MYBPC1: variants seen among roughly 807,000 people sequenced by gnomAD.
The protein encoded by MYBPC1 is myosin-binding protein C, slow-type.
A neutral mutation model predicts 147.1 loss-of-function variants in MYBPC1; 52 were observed. The ratio of observed to expected loss-of-function variants is 0.35; its 90% CI spans 0.28 to 0.45. The LOEUF is 0.45. MYBPC1 is among the 20% of genes least tolerant of loss of function. The pLI is 1.00. For synonymous variants in MYBPC1, 477 were observed against 475.9 expected (o/e 1.00, Z -0.03); for missense variants, 1,228 against 1,440.3 (o/e 0.85, Z 2.39).
At chr12:101,629,595 G>A (rs759168601) in intron 6 of MYBPC1, 51 bp downstream of exon 6, 22 of 1,325,926 alleles carry the variant, frequency 1.7e-5, no homozygotes, top group African/African-American at 7.3e-5. Context: ...AAGGTGAGCC[G>A]AGCACGGTGC....
intron 23 of MYBPC1, among the ~76,000 whole-genome samples, chr12:101,669,083 T>A (rs1434873823): frequency 6.6e-6 from 1 of 152,096 alleles, no homozygotes; most frequent in African/African-American, 2.4e-5. Context: ...CAAGACCTTG[T>A]CTCAAATAAA....
chr12:101,661,075 C>G (rs1896464158), intron 19 of MYBPC1, 83 bp from the exon 20 acceptor site: 9 of 830,492 alleles, frequency 1.1e-5, no homozygotes, highest in Non-Finnish European at 1.8e-5. Context: ...ATGATTATCA[C>G]CAAGAAACAT....
chr12:101,675,214 T>C (rs1899672808), intron 25 of MYBPC1, 78 bp from the exon 26 acceptor site: 1 of 1,577,742 alleles, frequency 6.3e-7, no homozygotes, highest in South Asian at 1.1e-5. Flanking sequence ...AAAGGGTCTT[T>C]TAAAATATCC....
chr12:101,689,621 G>C (rs1951389914), downstream of MYBPC1, among the ~76,000 whole-genome samples: 1 of 152,108 alleles, frequency 6.6e-6, no homozygotes, highest in Non-Finnish European at 1.5e-5. Flanking sequence ...AAAGGGAAAA[G>C]AGGAAAGAAA....
At chr12:101,647,939 T>C (rs1893569904) in intron 13 of MYBPC1, 106 bp from the exon 14 acceptor site, 8 of 863,008 alleles carry the variant, frequency 9.3e-6, no homozygotes, top group African/African-American at 5.1e-5. Context: ...ATGTCAACCA[T>C]AGATGTTGCT....
At chr12:101,651,126 A>C in intron 15 of MYBPC1, 105 bp from the exon 16 acceptor site, 2 of 1,266,212 alleles carry the variant, frequency 1.6e-6, no homozygotes, top group Non-Finnish European at 2.3e-6. Flanking sequence ...TCTCACTTTC[A>C]AAACAAACAT....
At chr12:101,602,138 G>A (rs147663008) in intron 1 of MYBPC1, among the ~76,000 whole-genome samples, 38 of 152,290 alleles carry the variant, frequency 2.5e-4, no homozygotes, top group African/African-American at 8.9e-4. Context: ...TCATCTGTAT[G>A]TGAATAAAAC....
chr12:101,604,773 A>C (rs1172406180), intron 1 of MYBPC1, among the ~76,000 whole-genome samples: 1 of 152,132 alleles, frequency 6.6e-6, no homozygotes, highest in Non-Finnish European at 1.5e-5. Flanking sequence ...CCCTCCTAGA[A>C]GTGTGCTGTC....
At chr12:101,662,166 A>G (rs1269738398) in intron 20 of MYBPC1, among the ~76,000 whole-genome samples, 192 bp from the exon 21 acceptor site, 3 of 151,956 alleles carry the variant, frequency 2.0e-5, no homozygotes, top group Non-Finnish European at 1.5e-5. Context: ...TAGTCCCATT[A>G]TTTTCATCTA....
intron 6 of MYBPC1, among the ~76,000 whole-genome samples, chr12:101,630,963 C>A (rs1215069776): frequency 2.0e-5 from 3 of 152,118 alleles, no homozygotes; most frequent in Non-Finnish European, 4.4e-5. Context: ...TGCATGTGAA[C>A]AGAAATGTTG....
At chr12:101,660,137 T>C (rs1896271244) in intron 19 of MYBPC1, 2 of 409,916 alleles carry the variant, frequency 4.9e-6, no homozygotes, top group South Asian at 2.2e-5. Context: ...GCCTTGTCCT[T>C]AGACAACTAT....
intron 18 of MYBPC1, 22 bp downstream of exon 18, chr12:101,653,270 A>G: frequency 6.2e-7 from 1 of 1,612,238 alleles, no homozygotes; most frequent in South Asian, 1.1e-5. Flanking sequence ...GCTTGCACAC[A>G]CTCACATGCA....
the MYBPC1 span, among the ~76,000 whole-genome samples, chr12:101,693,239 C>T: frequency 6.6e-5 from 10 of 152,244 alleles, no homozygotes; most frequent in East Asian, 5.8e-4. Context: ...AGCCACCGCG[C>T]CCAGCCTACT....
chr12:101,675,186 TG>T, intron 25 of MYBPC1, 105 bp from the exon 26 acceptor site: 1 of 1,451,030 alleles, frequency 6.9e-7, no homozygotes, highest in Admixed American at 1.9e-5. Flanking sequence ...AGAAGAGTGA[TG>T]CCTCCTGTAA....
chr12:101,615,298 G>T (rs1885593258), intron 2 of MYBPC1, among the ~76,000 whole-genome samples: 1 of 152,166 alleles, frequency 6.6e-6, no homozygotes, highest in Non-Finnish European at 1.5e-5. Flanking sequence ...ATAGCCCCAA[G>T]ATGGAAGCAA....
At chr12:101,653,065 T>G (rs1378020237) in intron 17 of MYBPC1, 50 bp from the exon 18 acceptor site, 47 of 1,596,922 alleles carry the variant, frequency 2.9e-5, no homozygotes, top group Non-Finnish European at 3.9e-5. Flanking sequence ...AGTGCAGATA[T>G]TTACACAGAA....
At chr12:101,629,160 C>T in intron 5 of MYBPC1, 1 of 435,822 alleles carries the variant, frequency 2.3e-6, no homozygotes, top group South Asian at 2.1e-5. Flanking sequence ...TTATTGCCAT[C>T]AAAGAGAGAA....
In MYBPC1 at chr12:101,677,406, A is replaced by G. The variant is rs758451920; in HGVS notation, c.3109+12A>G. ...GATCGCCAGGGATGGTGAGTTGGGAATGGACTGACATTTGAAAACCTTGGT... is the reference window on the plus strand; with the variant it reads ...GATCGCCAGGGATGGTGAGTTGGGAGTGGACTGACATTTGAAAACCTTGGT... On this transcript the variant is annotated intron_variant, in intron 27 of 31. Transcript: ENST00000361466. 8 of 1,613,678 alleles carry G rather than the reference A, an allele frequency of 5.0e-6. No homozygotes were observed. In the East Asian group the frequency reaches 6.7e-5, roughly 13 times the overall value.
At chr12:101,660,806 A>G (rs1055399395) in intron 19 of MYBPC1, among the ~76,000 whole-genome samples, 4 of 152,114 alleles carry the variant, frequency 2.6e-5, no homozygotes, top group African/African-American at 7.2e-5. Context: ...GCAGCAGACA[A>G]GAGAGAGAGA....
Sources: gnomAD v4.1 joint callset for allele counts (sites outside exome capture counted in the v4.1 genomes callset) on GRCh38, gnomAD v4.1.1 for gene constraint, MANE v1.5 for transcripts, NCBI Gene and HGNC (gene_info 2026-07-23, HGNC 2026-07-21) for gene names.